Variants in IQSEC1 observed in about 807,000 individuals in gnomAD.
IQSEC1 encodes IQ motif and Sec7 domain ArfGEF 1, also known as IQ motif and SEC7 domain-containing protein 1.
A neutral mutation model predicts 91.0 loss-of-function variants in IQSEC1; 31 were observed. The observed-to-expected ratio is 0.34, with a 90% CI of 0.26 to 0.46. The LOEUF (loss-of-function observed/expected upper bound fraction) is 0.46. Ranked by LOEUF, IQSEC1 falls within the 20% of genes least tolerant of loss-of-function variation. The pLI is 1.00. For missense variants in IQSEC1, 1,388 were observed against 1,575.6 expected, an observed-to-expected ratio of 0.88 and a Z score of 2.02; for synonymous variants, 699 against 662.6, an observed-to-expected ratio of 1.05 and a Z score of -0.84.
chr3:12,942,864 G>T (rs372455265), intron 1 of IQSEC1, among the ~76,000 whole-genome samples: 4 of 152,304 alleles, frequency 2.6e-5, no homozygotes, highest in Admixed American at 1.3e-4. Flanking sequence ...GGAGCAGCAT[G>T]CGAGGACCCG....
In IQSEC1 at chr3:12,897,087, C is replaced by T. The variant is rs1237966759; in HGVS notation, c.*3896G>A. 2 of 152,130 alleles carry T rather than the reference C, an allele frequency of 1.3e-5. No homozygotes were observed. Among genetic ancestry groups the T allele is most frequent in the African/African-American group, 2.4e-5 (1 of 41,424 alleles). The allele number at this position is 152,130 out of a possible 1,614,324, so 9.4% of individuals were successfully genotyped here. ...TTATTTTAAATTTTGTATCAGTGTC[C>T]TCAGTCAGTCCAATGTCTTCAAGGA... On this transcript the variant is annotated 3_prime_UTR_variant, in exon 14 of 14. Transcript: ENST00000613206.
At chr3:12,987,072 C>A in intron 1 of IQSEC1, 1 of 392,440 alleles carries the variant, frequency 2.5e-6, no homozygotes, top group Non-Finnish European at 5.1e-6. Flanking sequence ...GCTCCCTCAG[C>A]CGTCCCCCAT....
intron 2 of IQSEC1, among the ~76,000 whole-genome samples, chr3:13,147,871 G>GATCT (rs1282670828): frequency 6.6e-6 from 1 of 152,216 alleles, no homozygotes; most frequent in East Asian, 1.9e-4. Flanking sequence ...GACCTCAGGT[G>GATCT]ATCTGCCCGC....
chr3:13,236,137 A>G (rs530922), intron 1 of IQSEC1, among the ~76,000 whole-genome samples: 67,454 of 151,796 alleles, frequency 0.44, 16,145 homozygotes, highest in South Asian at 0.6. Flanking sequence ...TTCCCGCTGC[A>G]CAGAAGTTCA....
At chr3:12,977,012 A>C (rs1701212383) in intron 1 of IQSEC1, among the ~76,000 whole-genome samples, 1 of 152,216 alleles carries the variant, frequency 6.6e-6, no homozygotes, top group Non-Finnish European at 1.5e-5. Context: ...CAGTATTTAA[A>C]GGAACCCATC....
At chr3:12,903,693 T>A (rs1396542545) in intron 12 of IQSEC1, among the ~76,000 whole-genome samples, 1 of 152,124 alleles carries the variant, frequency 6.6e-6, no homozygotes, top group East Asian at 1.9e-4. Flanking sequence ...TGAGGACTTC[T>A]CCGTGGATTT....
At chr3:13,151,508 G>C (rs1706997969) in intron 2 of IQSEC1, among the ~76,000 whole-genome samples, 1 of 152,192 alleles carries the variant, frequency 6.6e-6, no homozygotes, top group African/African-American at 2.4e-5. Flanking sequence ...GGGAAGTAGG[G>C]GAACAGTAGC....
chr3:13,277,871 G>GC (rs941863784), intron 1 of IQSEC1, among the ~76,000 whole-genome samples: 1 of 152,028 alleles, frequency 6.6e-6, no homozygotes, highest in Non-Finnish European at 1.5e-5. Flanking sequence ...AGTGCCCTCA[G>GC]CCCCCCGCCC....
intron 1 of IQSEC1, among the ~76,000 whole-genome samples, chr3:13,189,725 C>G (rs1046284732): frequency 1.3e-5 from 2 of 152,192 alleles, no homozygotes; most frequent in African/African-American, 4.8e-5. Context: ...TGCCTCGCCA[C>G]TCTACCCTGC....
intron 1 of IQSEC1, among the ~76,000 whole-genome samples, chr3:13,277,600 A>G (rs1314519328): frequency 6.6e-6 from 1 of 152,140 alleles, no homozygotes; most frequent in East Asian, 1.9e-4. Flanking sequence ...GGAGTTGAAC[A>G]CATTTTGTCC....
At chr3:13,254,830 G>T (rs1040347117) in intron 1 of IQSEC1, among the ~76,000 whole-genome samples, 1 of 152,200 alleles carries the variant, frequency 6.6e-6, no homozygotes, top group Non-Finnish European at 1.5e-5. Context: ...TTAGAGATGA[G>T]GAAACCGAGG....
intron 3 of IQSEC1, among the ~76,000 whole-genome samples, chr3:12,934,915 C>T (rs1278325894): frequency 6.6e-6 from 1 of 151,574 alleles, no homozygotes; most frequent in Non-Finnish European, 1.5e-5. Flanking sequence ...ATCCAGGACA[C>T]GGTTCTGGGT....
At chr3:13,062,859 G>A (rs576053172) in intron 1 of IQSEC1, among the ~76,000 whole-genome samples, 34 of 152,290 alleles carry the variant, frequency 2.2e-4, no homozygotes, top group Non-Finnish European at 4.3e-4. Context: ...ACATCTTGAT[G>A]AGGGATGAAG....
Position 13,242,783 on chromosome 3 carries a change from G to A in IQSEC1, c.272+39928C>T, listed in dbSNP as rs993043322. 5.3e-5 allele frequency among the ~76,000 whole-genome samples: 8 copies of A among 152,084 alleles called. 1 individual carries two copies. The highest frequency in any genetic ancestry group is 3.9e-4 in the Admixed American group (6 of 15,272). ...AAGCCCCTTCAGGCTTCACGTCACC[G>A]GGACTGGTTGGAGTTTCATCTGACG... On this transcript the variant is annotated intron_variant, in intron 1 of 15. Coordinates refer to the IQSEC1 transcript ENST00000648114.
intron 1 of IQSEC1, among the ~76,000 whole-genome samples, chr3:13,058,826 C>T (rs1346642694): frequency 6.6e-6 from 1 of 152,242 alleles, no homozygotes; most frequent in Non-Finnish European, 1.5e-5. Context: ...TCTGTCTCCA[C>T]TTGGGACACA....
At chr3:13,235,125 G>A (rs1424462186) in intron 1 of IQSEC1, among the ~76,000 whole-genome samples, 2 of 152,186 alleles carry the variant, frequency 1.3e-5, no homozygotes, top group African/African-American at 4.8e-5. Flanking sequence ...TCCTCTGTGG[G>A]ATCTGAGACC....
intron 1 of IQSEC1, among the ~76,000 whole-genome samples, chr3:13,064,300 A>G (rs1705166691): frequency 6.6e-6 from 1 of 152,214 alleles, no homozygotes; most frequent in Non-Finnish European, 1.5e-5. Flanking sequence ...CCGCTCCTTA[A>G]ATCCAGAGCT....
intron 1 of IQSEC1, among the ~76,000 whole-genome samples, chr3:13,029,590 C>G (rs1350742442): frequency 3.9e-5 from 6 of 152,236 alleles, no homozygotes; most frequent in Non-Finnish European, 8.8e-5. Context: ...TGCTGAGAGG[C>G]CTCAATTCTT....
At chr3:12,937,785 T>C (rs1458656144) in intron 2 of IQSEC1, among the ~76,000 whole-genome samples, 2 of 152,226 alleles carry the variant, frequency 1.3e-5, no homozygotes, top group Admixed American at 6.5e-5. Flanking sequence ...CCAAGCTCCC[T>C]TGCTCTACAG....
Sources: allele counts gnomAD v4.1 joint callset (sites outside exome capture counted in the v4.1 genomes callset), GRCh38; gene constraint gnomAD v4.1.1; transcripts MANE v1.5; gene names NCBI Gene and HGNC (gene_info 2026-07-23, HGNC 2026-07-21).